The following SYTL5 variants were observed in gnomAD, a reference collection of about 807,000 sequenced individuals.
SYTL5 encodes synaptotagmin like 5, also known as synaptotagmin-like protein 5.
In SYTL5, 34 loss-of-function variants were observed where a neutral mutation model predicts 55.9. That is an observed-to-expected ratio of 0.61 (90% CI 0.46 to 0.81). The LOEUF is 0.81. SYTL5 is among the 30% of genes least tolerant of loss of function. The pLI is 0.00. For synonymous variants in SYTL5, 221 were observed against 188.7 expected, an observed-to-expected ratio of 1.17 and a Z score of -1.40; for missense variants, 637 against 546.7, an observed-to-expected ratio of 1.17 and a Z score of -1.65.
chrX:38,012,311 A>T, intron 1 of SYTL5, among the ~76,000 whole-genome samples: 1 of 112,240 alleles, frequency 8.9e-6, no homozygotes, highest in East Asian at 2.8e-4. Context: ...ATACAAAACA[A>T]CTCTAAGATA....
At chrX:38,051,631 T>G (rs928346248) in intron 2 of SYTL5, among the ~76,000 whole-genome samples, 1 of 111,818 alleles carries the variant, frequency 8.9e-6, no homozygotes, top group Non-Finnish European at 1.9e-5. Context: ...TTCTTTTACT[T>G]CTTTTTCTCT....
rs751165970 is a variant in SYTL5 at position 38,075,289 on chromosome X, C to T, written c.555-1278C>T. ...AACATCTATTTGGGGAGAAAAGGTA[C>T]ACACCTGAAAAGTTACTAAGTATAA... On this transcript the variant is annotated intron_variant, in intron 5 of 16. Transcript: ENST00000297875. 5.4e-5 allele frequency among the ~76,000 whole-genome samples: 6 copies of T among 111,915 alleles called. No individual in the cohort carries two copies. In the East Asian group the frequency reaches 1.7e-3, roughly 31 times the overall value.
chrX:38,086,786 A>G (rs947605261), intron 6 of SYTL5, among the ~76,000 whole-genome samples: 2 of 112,119 alleles, frequency 1.8e-5, no homozygotes, highest in African/African-American at 6.5e-5. Flanking sequence ...ACAAATATTT[A>G]TGATAATATG....
the SYTL5 span, among the ~76,000 whole-genome samples, chrX:37,973,231 C>T: frequency 9.0e-6 from 1 of 111,246 alleles, no homozygotes; most frequent in Non-Finnish European, 1.9e-5. Context: ...TCAAATAAAG[C>T]TCATCTGATG....
At chrX:37,921,175 G>A in the SYTL5 span, among the ~76,000 whole-genome samples, 1 of 111,483 alleles carries the variant, frequency 9.0e-6, no homozygotes, top group South Asian at 3.8e-4. Flanking sequence ...TTGGAGATAT[G>A]GAAACTGTCA....
intron 2 of SYTL5, among the ~76,000 whole-genome samples, chrX:38,042,337 C>CTT (rs1935311316): frequency 9.0e-6 from 1 of 110,621 alleles, no homozygotes; most frequent in Non-Finnish European, 1.9e-5. Context: ...TAAAGTTGGC[C>CTT]TTGTGGAACT....
intron 3 of SYTL5, among the ~76,000 whole-genome samples, chrX:38,061,808 A>T (rs185738695): frequency 1.4e-3 from 155 of 111,422 alleles, no homozygotes; most frequent in African/African-American, 4.9e-3. Flanking sequence ...TATCTTAATA[A>T]TACCTACAAA....
chrX:37,905,674 A>G, the SYTL5 span, among the ~76,000 whole-genome samples: 1 of 112,377 alleles, frequency 8.9e-6, no homozygotes, highest in African/African-American at 3.2e-5. Flanking sequence ...CACAGCCTGC[A>G]GGAGGGACTT....
intron 1 of SYTL5, among the ~76,000 whole-genome samples, chrX:38,029,990 A>G (rs986249804): frequency 1.8e-5 from 2 of 111,642 alleles, no homozygotes; most frequent in African/African-American, 6.5e-5. Context: ...CTGGAAGGCA[A>G]AACAGATATA....
intron 5 of SYTL5, among the ~76,000 whole-genome samples, chrX:38,074,906 A>T (rs1353107045): frequency 3.9e-5 from 2 of 51,744 alleles, no homozygotes; most frequent in African/African-American, 2.1e-4. Flanking sequence ...CACCCCCTCA[A>T]CACACACACA....
At chrX:38,070,726 T>C (rs924027326) in intron 3 of SYTL5, among the ~76,000 whole-genome samples, 2 of 111,795 alleles carry the variant, frequency 1.8e-5, no homozygotes, top group Non-Finnish European at 3.8e-5. Context: ...TTTCAGAACA[T>C]GCCCATAGAG....
chrX:37,935,983 A>G, the SYTL5 span, among the ~76,000 whole-genome samples: 1 of 112,258 alleles, frequency 8.9e-6, no homozygotes. Flanking sequence ...CAAGAGACAT[A>G]CTTTAGATTC....
At chrX:37,927,061 T>C in the SYTL5 span, among the ~76,000 whole-genome samples, 126 of 111,927 alleles carry the variant, frequency 1.1e-3, no homozygotes, top group African/African-American at 4.0e-3. Flanking sequence ...GATGGCATGA[T>C]TGGGGGGTGA....
At chrX:37,961,622 T>C in the SYTL5 span, among the ~76,000 whole-genome samples, 1 of 111,947 alleles carries the variant, frequency 8.9e-6, no homozygotes, top group East Asian at 2.8e-4. Context: ...ACCAAAAGAG[T>C]ATTATTCTTA....
At chrX:38,076,974 C>G (rs773328818) in intron 6 of SYTL5, among the ~76,000 whole-genome samples, 1 of 111,884 alleles carries the variant, frequency 8.9e-6, no homozygotes, top group Admixed American at 9.5e-5. Flanking sequence ...ATGTACAGGG[C>G]AAGTAAATGT....
Position 38,023,103 on chromosome X carries a change from G to A in SYTL5, c.-356-10431G>A, listed in dbSNP as rs1934614440. On this transcript the variant is annotated intron_variant, in intron 1 of 16. Coordinates refer to ENST00000297875, the MANE Select transcript of SYTL5 (RefSeq NM_138780.3). The stretch of plus-strand genomic sequence containing the variant: ...AGCAACAATTATCAATTTGTATTTT[G>A]GAATTGCATATAGAAGAGCCAGATT... 2.7e-5 allele frequency among the ~76,000 whole-genome samples: 3 copies of A among 112,090 alleles called. No homozygotes were observed. In the South Asian group the frequency reaches 1.1e-3, roughly 42 times the overall value.
At chrX:37,903,129 G>T in the SYTL5 span, among the ~76,000 whole-genome samples, 2 of 111,219 alleles carry the variant, frequency 1.8e-5, no homozygotes, top group African/African-American at 6.6e-5. Context: ...AACCATTGTG[G>T]AAGTCAGTGT....
the SYTL5 span, among the ~76,000 whole-genome samples, chrX:37,931,007 A>G: frequency 8.9e-6 from 1 of 112,276 alleles, no homozygotes; most frequent in Non-Finnish European, 1.9e-5. Flanking sequence ...GTAGGAAAAT[A>G]TATTGTCTCT....
chrX:37,936,991 A>C, the SYTL5 span, among the ~76,000 whole-genome samples: 1 of 107,227 alleles, frequency 9.3e-6, no homozygotes, highest in Non-Finnish European at 1.9e-5. Flanking sequence ...CGAAGGTTGC[A>C]GTGAACCGAG....
Sources: allele counts gnomAD v4.1 joint callset (sites outside exome capture counted in the v4.1 genomes callset), GRCh38; gene constraint gnomAD v4.1.1; transcripts MANE v1.5; gene names NCBI Gene and HGNC (gene_info 2026-07-23, HGNC 2026-07-21).